Variants in TAX1BP1 observed in about 807,000 individuals in gnomAD.
TAX1BP1 encodes Tax1 binding protein 1, also known as tax1-binding protein 1.
Under a neutral mutation model 97.7 loss-of-function variants are expected in TAX1BP1, and 62 were observed. The observed-to-expected ratio is 0.63, with a 90% CI of 0.52 to 0.78. TAX1BP1 has a LOEUF of 0.78. TAX1BP1 is among the 30% of genes least tolerant of loss of function. TAX1BP1 has a pLI of 0.00. For synonymous variants in TAX1BP1, 340 were observed against 304.2 expected, an observed-to-expected ratio of 1.12 and a Z score of -1.23; for missense variants, 867 against 916.1, an observed-to-expected ratio of 0.95 and a Z score of 0.69.
intron 13 of TAX1BP1, among the ~76,000 whole-genome samples, chr7:27,813,199 G>C (rs1790627291): frequency 7.5e-6 from 1 of 133,780 alleles, no homozygotes; most frequent in African/African-American, 2.8e-5. Flanking sequence ...CCATCTTCCA[G>C]GCTGGAGTGA....
intron 1 of TAX1BP1, among the ~76,000 whole-genome samples, chr7:27,740,640 G>A (rs1193420588): frequency 6.6e-6 from 1 of 152,202 alleles, no homozygotes; most frequent in Non-Finnish European, 1.5e-5. Flanking sequence ...TGGTGTCCAA[G>A]GCTAAACTCT....
At chr7:27,816,773 C>T (rs1790782892) in intron 14 of TAX1BP1, 117 bp from the exon 15 acceptor site, 1 of 1,282,276 alleles carries the variant, frequency 7.8e-7, no homozygotes, top group Non-Finnish European at 1.1e-6. Flanking sequence ...AAAATAAAAA[C>T]ATCTATTTTT....
At chr7:27,743,236 G>T (rs189298348) in intron 1 of TAX1BP1, among the ~76,000 whole-genome samples, 248 of 152,318 alleles carry the variant, frequency 1.6e-3, no homozygotes, top group Admixed American at 4.2e-3. Context: ...ATAGACTGGG[G>T]CTTTTGCTGT....
rs769016578 is a variant in TAX1BP1 at position 27,758,113 on chromosome 7, A to G, written c.245A>G (p.Asn82Ser). 4.3e-6 allele frequency: 7 copies of G among 1,611,262 alleles called. No homozygotes were observed. Among genetic ancestry groups the G allele is most frequent in the Admixed American group, 3.4e-5 (2 of 59,384 alleles). Residue 82 changes from asparagine (N) to serine (S), a missense_variant, in exon 3 of 17, where the codon AAT becomes AGT. By Grantham distance (46) the Asn-to-Ser change is conservative (BLOSUM62 1). Coordinates refer to ENST00000396319, the MANE Select transcript of TAX1BP1 (RefSeq NM_006024.7). Reference protein sequence around the residue: ...PEHYVEGSTVNCVLAFQGYYL... With the variant: ...PEHYVEGSTVSCVLAFQGYYL... Reference sequence around the variant, plus strand: ...CATTATGTGGAAGGATCAACAGTCAATTGTGTACTAGCATTCCAAGGTAAG... The same window carrying G: ...CATTATGTGGAAGGATCAACAGTCAGTTGTGTACTAGCATTCCAAGGTAAG...
chr7:27,807,288 T>G (rs557274171), intron 13 of TAX1BP1, among the ~76,000 whole-genome samples: 1 of 152,162 alleles, frequency 6.6e-6, no homozygotes, highest in African/African-American at 2.4e-5. Flanking sequence ...GACACAGTAT[T>G]ATCATCTAAC....
At chr7:27,805,575 G>T (rs1397833871) in intron 13 of TAX1BP1, among the ~76,000 whole-genome samples, 2 of 152,130 alleles carry the variant, frequency 1.3e-5, no homozygotes, top group Non-Finnish European at 2.9e-5. Context: ...TGTGGCTTAC[G>T]CCTGTAATCC....
At chr7:27,751,872 C>CG in intron 2 of TAX1BP1, among the ~76,000 whole-genome samples, 2 of 152,106 alleles carry the variant, frequency 1.3e-5, no homozygotes, top group Non-Finnish European at 2.9e-5. Flanking sequence ...GGGCTGGTCT[C>CG]GAACTCCTGG....
intron 13 of TAX1BP1, among the ~76,000 whole-genome samples, chr7:27,810,775 C>T (rs1212572958): frequency 6.6e-6 from 1 of 152,142 alleles, no homozygotes; most frequent in Non-Finnish European, 1.5e-5. Context: ...TTCCCAGCTC[C>T]TGCTGCTCTT....
At chr7:27,801,445 CTTAA>C (rs927860141) in intron 13 of TAX1BP1, among the ~76,000 whole-genome samples, 7 of 151,966 alleles carry the variant, frequency 4.6e-5, no homozygotes, top group Non-Finnish European at 2.9e-5. Flanking sequence ...TGGAACCTTC[CTTAA>C]TTATTTATTA....
chr7:27,779,476 T>G (rs1366685807), intron 5 of TAX1BP1, among the ~76,000 whole-genome samples: 1 of 152,234 alleles, frequency 6.6e-6, no homozygotes, highest in Non-Finnish European at 1.5e-5. Flanking sequence ...TGGCTTTTAG[T>G]TGCTACATTT....
At chr7:27,816,861 A>G (rs772841170) in intron 14 of TAX1BP1, 29 bp from the exon 15 acceptor site, 2 of 1,612,858 alleles carry the variant, frequency 1.2e-6, no homozygotes, top group East Asian at 2.2e-5. Flanking sequence ...AACCAGTTTC[A>G]CTCTACCTTT....
At chr7:27,747,263 A>T (rs1316063425) in intron 1 of TAX1BP1, among the ~76,000 whole-genome samples, 1 of 152,100 alleles carries the variant, frequency 6.6e-6, no homozygotes, top group Non-Finnish European at 1.5e-5. Flanking sequence ...TTTTTGGGTA[A>T]ATCCTCATTT....
chr7:27,742,213 G>T (rs1787642585), intron 1 of TAX1BP1, among the ~76,000 whole-genome samples: 1 of 152,150 alleles, frequency 6.6e-6, no homozygotes, highest in African/African-American at 2.4e-5. Flanking sequence ...CGGATGTCGG[G>T]CTGGGGGATG....
intron 13 of TAX1BP1, among the ~76,000 whole-genome samples, chr7:27,803,904 A>G (rs1583394181): frequency 6.6e-6 from 1 of 152,304 alleles, no homozygotes; most frequent in East Asian, 1.9e-4. Context: ...CATGGAAACC[A>G]TTTTTACTTT....
At chr7:27,801,078 C>T (rs1359749744) in intron 13 of TAX1BP1, among the ~76,000 whole-genome samples, 9 of 133,846 alleles carry the variant, frequency 6.7e-5, no homozygotes, top group African/African-American at 2.0e-4. Context: ...CACTCCAGCC[C>T]GGGTGACAGT....
In TAX1BP1 at chr7:27,769,807, A is replaced by T; in HGVS notation, c.585A>T (p.Arg195Ser). 6.2e-7 allele frequency: 1 copy of T among 1,612,372 alleles called. No homozygotes were observed. The highest frequency in any genetic ancestry group is 8.5e-7 in the Non-Finnish European group (1 of 1,178,858). ...GAGAACTTAACCATGAGAAAGAAAG[A>T]TGTGACCAACTGCAAGCAGAACAAA... ...MERELNHEKE[R>S]CDQLQAEQKG... The change falls in exon 5 of 17, where the codon AGA (arginine) becomes AGT (serine). Residue 195 changes from arginine (R) to serine (S), a missense_variant. By Grantham distance (110) the Arg-to-Ser change is moderately radical (BLOSUM62 -1). Coordinates refer to ENST00000396319, the MANE Select transcript of TAX1BP1 (RefSeq NM_006024.7).
intron 3 of TAX1BP1, among the ~76,000 whole-genome samples, chr7:27,765,468 A>G (rs1359808744): frequency 6.6e-6 from 1 of 152,162 alleles, no homozygotes; most frequent in Non-Finnish European, 1.5e-5. Context: ...TAAATGACAT[A>G]TTCCCACCCC....
chr7:27,758,359 G>C, intron 3 of TAX1BP1: 1 of 289,890 alleles, frequency 3.4e-6, no homozygotes, highest in African/African-American at 2.2e-5. Flanking sequence ...AACTTTCACT[G>C]AAGAGTGGGT....
chr7:27,793,351 T>C (rs1432975646), intron 10 of TAX1BP1, 139 bp downstream of exon 10: 3 of 780,640 alleles, frequency 3.8e-6, no homozygotes, highest in Non-Finnish European at 5.6e-6. Context: ...CCAAATATTG[T>C]AATAACTCTT....
Sources: gnomAD v4.1 joint callset for allele counts (sites outside exome capture counted in the v4.1 genomes callset) on GRCh38, gnomAD v4.1.1 for gene constraint, MANE v1.5 for transcripts, NCBI Gene and HGNC (gene_info 2026-07-23, HGNC 2026-07-21) for gene names.